The following NTRK2 variants were observed in gnomAD, a reference collection of about 807,000 sequenced individuals.
NTRK2 encodes neurotrophic receptor tyrosine kinase 2.
Under a neutral mutation model 94.5 loss-of-function variants are expected in NTRK2, and 13 were observed. That is an observed-to-expected ratio of 0.14 (90% CI 0.09 to 0.22). NTRK2 has a LOEUF of 0.22. Ranked by LOEUF, NTRK2 falls within the 10% of genes least tolerant of loss-of-function variation. The pLI is 1.00. For synonymous variants in NTRK2, 372 were observed against 407.4 expected (o/e 0.91, Z 1.05); for missense variants, 639 against 1,071.2 (o/e 0.60, Z 5.63).
intron 2 of NTRK2, among the ~76,000 whole-genome samples, chr9:84,689,267 T>C (rs1028032852): frequency 6.6e-5 from 10 of 152,272 alleles, no homozygotes; most frequent in African/African-American, 9.6e-5. Context: ...GGTTCCCTTA[T>C]GGCAACCTTT....
intron 14 of NTRK2, among the ~76,000 whole-genome samples, chr9:84,901,184 G>A (rs1451331205): frequency 6.9e-6 from 1 of 145,872 alleles, no homozygotes; most frequent in Non-Finnish European, 1.5e-5. Context: ...ATTTTATTTT[G>A]TTTTGTTTTG....
intron 6 of NTRK2, among the ~76,000 whole-genome samples, chr9:84,723,178 TG>T: frequency 6.6e-6 from 1 of 152,104 alleles, no homozygotes; most frequent in Non-Finnish European, 1.5e-5. Flanking sequence ...TAGTAAAAAA[TG>T]GGGGGTAGGA....
rs73476495 is a variant in NTRK2, at chr9:84,955,624, T to G, written c.2172+107T>G. 3.8e-3 allele frequency: 3,536 copies of G among 927,042 alleles called. 98 individuals are homozygous for G. In the African/African-American group the frequency reaches 0.051, roughly 13 times the overall value. The allele number at this position is 927,042 out of a possible 1,614,324, so 57.4% of individuals were successfully genotyped here. A position where few individuals can be genotyped will look rare whatever the true frequency, so the allele number is the denominator to read the frequency against. On this transcript the variant is annotated intron_variant, in intron 17 of 18. Transcript: ENST00000277120. ...TAACAAAATATCATGACTGGGTGGC[T>G]TAAACGACAGACATGTGTTTCTCAT...
rs1231031530 is a variant in NTRK2, at chr9:84,707,833, A to T, written c.360-11A>T. ...TTTAAATTCATGTTTAATGTTTTTGATTCCTTTCAGCAATTTTACCCGAAA... is the reference window on the plus strand; with the variant it reads ...TTTAAATTCATGTTTAATGTTTTTGTTTCCTTTCAGCAATTTTACCCGAAA... On this transcript the variant is annotated splice_polypyrimidine_tract_variant and intron_variant, in intron 4 of 18. Coordinates refer to ENST00000277120, the MANE Select transcript of NTRK2 (RefSeq NM_006180.6). The T allele has an allele frequency of 1.9e-6, 3 of 1,606,592 alleles. No individual in the cohort carries two copies. The highest frequency in any genetic ancestry group is 2.6e-6 in the Non-Finnish European group (3 of 1,173,840).
chr9:84,827,748 TTGTTGTCTA>T (rs148157946), intron 12 of NTRK2, among the ~76,000 whole-genome samples: 8,792 of 152,244 alleles, frequency 0.058, 321 homozygotes, highest in Admixed American at 0.091. Flanking sequence ...TGCTTACTGC[TTGTTGTCTA>T]TGTCCTCCTG....
chr9:84,777,877 C>T (rs1299594749), intron 12 of NTRK2, among the ~76,000 whole-genome samples: 1 of 152,086 alleles, frequency 6.6e-6, no homozygotes, highest in Non-Finnish European at 1.5e-5. Flanking sequence ...TCTCTTTGCC[C>T]CCGGTGATTC....
intron 6 of NTRK2, among the ~76,000 whole-genome samples, chr9:84,714,140 G>C (rs2061570577): frequency 6.6e-6 from 1 of 152,024 alleles, no homozygotes. Flanking sequence ...TCATTACTTA[G>C]CTTTTCAGCT....
At chr9:84,872,705 T>C in intron 14 of NTRK2, 1 of 1,065,196 alleles carries the variant, frequency 9.4e-7, no homozygotes, top group East Asian at 5.0e-5. Flanking sequence ...AATGTGTGTG[T>C]ATCCTTGTGT....
intron 12 of NTRK2, among the ~76,000 whole-genome samples, chr9:84,849,166 C>T (rs1373376781): frequency 6.6e-6 from 1 of 152,172 alleles, no homozygotes; most frequent in Non-Finnish European, 1.5e-5. Flanking sequence ...GATTTCTCCT[C>T]CTGCTGCACA....
chr9:84,676,960 A>AGTGTGT (rs58789627), intron 2 of NTRK2, among the ~76,000 whole-genome samples: 137 of 150,094 alleles, frequency 9.1e-4, no homozygotes, highest in East Asian at 4.9e-3. Flanking sequence ...ACTGTGTGTG[A>AGTGTGT]GTGTGTGTGT....
At chr9:84,991,475 C>A (rs1288836426) in intron 17 of NTRK2, among the ~76,000 whole-genome samples, 6 of 152,188 alleles carry the variant, frequency 3.9e-5, no homozygotes, top group Admixed American at 1.3e-4. Flanking sequence ...TAGCAGGGTG[C>A]ATCCCCTGGT....
At position 84,762,950 on chromosome 9, in the gene NTRK2, G is replaced by C. The variant is rs990930323; in HGVS notation, c.1396+10865G>C. Among the ~76,000 whole-genome samples the C allele has an allele frequency of 2.0e-5, 3 of 152,124 alleles. 1 individual carries two copies. Among genetic ancestry groups the C allele is most frequent in the Non-Finnish European group, 4.4e-5 (3 of 68,018 alleles). On this transcript the variant is annotated intron_variant, in intron 12 of 18. Coordinates refer to ENST00000277120, the MANE Select transcript of NTRK2 (RefSeq NM_006180.6). ...TGGTGGTAATTTCTGTATGCTGGTG[G>C]CTGTCCATCTTCCCAGTTGTCCTTG... is the stretch of plus-strand genomic sequence containing the variant.
At chr9:84,912,895 C>T (rs1002579518) in intron 14 of NTRK2, among the ~76,000 whole-genome samples, 7 of 152,102 alleles carry the variant, frequency 4.6e-5, no homozygotes, top group African/African-American at 1.4e-4. Context: ...GGATTACAGG[C>T]GTGAGCCACT....
chr9:84,731,753 A>G (rs2062906778), intron 9 of NTRK2, among the ~76,000 whole-genome samples: 1 of 152,126 alleles, frequency 6.6e-6, no homozygotes, highest in African/African-American at 2.4e-5. Flanking sequence ...AGGGGGTGCC[A>G]GTCACAGCGT....
At chr9:84,883,118 T>C (rs2076312942) in intron 14 of NTRK2, among the ~76,000 whole-genome samples, 1 of 152,192 alleles carries the variant, frequency 6.6e-6, no homozygotes, top group African/African-American at 2.4e-5. Flanking sequence ...CTGGTATCTA[T>C]CAAATCTGAG....
At chr9:84,880,737 G>T (rs938497741) in intron 14 of NTRK2, among the ~76,000 whole-genome samples, 1 of 152,176 alleles carries the variant, frequency 6.6e-6, no homozygotes, top group Non-Finnish European at 1.5e-5. Flanking sequence ...AGTAACACAT[G>T]TTCTTTAAAA....
chr9:84,986,224 A>G (rs1441267290), intron 17 of NTRK2, among the ~76,000 whole-genome samples: 1 of 152,040 alleles, frequency 6.6e-6, no homozygotes, highest in African/African-American at 2.4e-5. Context: ...CCATATTCAG[A>G]CTGTCTGATA....
At position 84,670,633 on chromosome 9, in the gene NTRK2, C is replaced by T; in HGVS notation, c.-116C>T. 3 of 1,015,112 alleles carry T rather than the reference C, an allele frequency of 3.0e-6. No homozygotes were observed. Among genetic ancestry groups the T allele is most frequent in the Non-Finnish European group, 3.1e-6 (2 of 655,398 alleles). The allele number at this position is 1,015,112 out of a possible 1,614,324, so 62.9% of individuals were successfully genotyped here. A position where few individuals can be genotyped will look rare whatever the true frequency, so the allele number is the denominator to read the frequency against. Reference sequence around the variant, plus strand: ...TAAGCTGGACTCGGCACGCCCGCAACAAGCACCGAGGAGTTAAGAGAGCCG... The same window carrying T: ...TAAGCTGGACTCGGCACGCCCGCAATAAGCACCGAGGAGTTAAGAGAGCCG... On this transcript the variant is annotated 5_prime_UTR_variant, in exon 2 of 19. Transcript: ENST00000277120.
chr9:84,726,164 C>G (rs2062436994), intron 8 of NTRK2, among the ~76,000 whole-genome samples: 1 of 152,144 alleles, frequency 6.6e-6, no homozygotes, highest in Non-Finnish European at 1.5e-5. Context: ...ATAGTTTAGA[C>G]AAAGAGCAGA....
Sources: gnomAD v4.1 joint callset for allele counts (sites outside exome capture counted in the v4.1 genomes callset) on GRCh38, gnomAD v4.1.1 for gene constraint, MANE v1.5 for transcripts, NCBI Gene and HGNC (gene_info 2026-07-23, HGNC 2026-07-21) for gene names.